Variants in VAV1 observed in about 807,000 individuals in gnomAD.
VAV1 encodes vav guanine nucleotide exchange factor 1, also known as proto-oncogene vav.
VAV1 carries 33 observed loss-of-function variants against 128.1 expected under a neutral mutation model. That is an observed-to-expected ratio of 0.26 (90% CI 0.20 to 0.34). The LOEUF (loss-of-function observed/expected upper bound fraction) is 0.34, where lower values mean the gene tolerates loss of function less well. Among genes scored for constraint, VAV1 ranks in the 10% least tolerant of loss-of-function variants. VAV1 has a pLI of 1.00. For synonymous variants in VAV1, 394 were observed against 409.8 expected (o/e 0.96, Z 0.47); for missense variants, 715 against 1,093.7 (o/e 0.65, Z 4.88).
At chr19:6,843,828 C>T (rs1200121860) in intron 22 of VAV1, among the ~76,000 whole-genome samples, 3 of 151,578 alleles carry the variant, frequency 2.0e-5, no homozygotes, top group Non-Finnish European at 4.4e-5. Context: ...TTCTTCTTCA[C>T]ATTTGAACAT....
chr19:6,796,349 T>TG (rs34446835), intron 1 of VAV1, among the ~76,000 whole-genome samples: 1 of 151,782 alleles, frequency 6.6e-6, no homozygotes, highest in Non-Finnish European at 1.5e-5. Flanking sequence ...ATGGGGTGCT[T>TG]GGGGTGACAG....
At chr19:6,814,322 A>G (rs963452343) in intron 1 of VAV1, among the ~76,000 whole-genome samples, 7 of 152,126 alleles carry the variant, frequency 4.6e-5, no homozygotes, top group Admixed American at 4.6e-4. Context: ...AAAACAGAAC[A>G]TTTCCATCAC....
chr19:6,774,093 G>C (rs1212433925), intron 1 of VAV1, among the ~76,000 whole-genome samples: 3 of 152,058 alleles, frequency 2.0e-5, no homozygotes, highest in African/African-American at 7.2e-5. Context: ...TGGTGGAAGA[G>C]ATCCATGCGC....
At position 6,772,751 on chromosome 19, in the gene VAV1, G is replaced by A; in HGVS notation, c.-57G>A. ...ACAGGCGAGCAGGGCAGGCGTGCGG[G>A]CGGGTGGGTGGTGGAGGCTGCGAGG... On this transcript the variant is annotated 5_prime_UTR_variant, in exon 1 of 27. Transcript: ENST00000602142. The surrounding 1 kb of genome is among the most constrained non-coding windows in gnomAD (Gnocchi z 4.8). 1.3e-6 allele frequency: 2 copies of A among 1,562,568 alleles called. No homozygotes were observed. Among genetic ancestry groups the A allele is most frequent in the Non-Finnish European group, 1.7e-6 (2 of 1,150,710 alleles).
rs780032946 is a variant in VAV1 at position 6,821,783 on chromosome 19, C to A, written c.381-8C>A. The A allele has an allele frequency of 1.4e-5, 22 of 1,613,758 alleles. No homozygotes were observed. In the South Asian group the frequency reaches 1.6e-4, roughly 12 times the overall value. On this transcript the variant is annotated splice_region_variant and splice_polypyrimidine_tract_variant and intron_variant, in intron 3 of 26. Transcript: ENST00000602142. ...AGGCCCCTGGCTCACACCCTCCTGA[C>A]CCCCCAGGCCCTTCCCCACCGAGGA...
At chr19:6,852,557 T>C (rs1972692806) in intron 24 of VAV1, among the ~76,000 whole-genome samples, 1 of 151,842 alleles carries the variant, frequency 6.6e-6, no homozygotes, top group African/African-American at 2.4e-5. Flanking sequence ...CCGTCTCTAC[T>C]AAAAATATAA....
chr19:6,781,759 CAAG>C (rs1970771599), intron 1 of VAV1, among the ~76,000 whole-genome samples: 1 of 152,058 alleles, frequency 6.6e-6, no homozygotes, highest in Admixed American at 6.6e-5. Context: ...AGGTGTGCGC[CAAG>C]ATGCCCAGCT....
chr19:6,787,257 C>T (rs1048151601), intron 1 of VAV1, among the ~76,000 whole-genome samples: 7 of 152,102 alleles, frequency 4.6e-5, no homozygotes, highest in Non-Finnish European at 1.0e-4. Context: ...CTCACTGCAA[C>T]CTCCATCTCT....
At chr19:6,812,492 T>A (rs1441465165) in intron 1 of VAV1, among the ~76,000 whole-genome samples, 1 of 152,016 alleles carries the variant, frequency 6.6e-6, no homozygotes. Flanking sequence ...CTGTCTCTAC[T>A]AAAAAGAAAA....
chr19:6,825,273 G>T, intron 7 of VAV1, 30 bp from the exon 8 acceptor site: 1 of 1,599,316 alleles, frequency 6.3e-7, no homozygotes. Context: ...CTGGGCTCTG[G>T]TCCCAGCCCT....
chr19:6,814,667 C>CCTTTCTTT (rs1163692104), intron 1 of VAV1, among the ~76,000 whole-genome samples: 1 of 25,100 alleles, frequency 4.0e-5, no homozygotes, highest in Non-Finnish European at 7.0e-5. Flanking sequence ...TTCCTTCCTT[C>CCTTTCTTT]CTTCCTTTCT....
At chr19:6,807,034 A>G (rs946050421) in intron 1 of VAV1, among the ~76,000 whole-genome samples, 10 of 152,170 alleles carry the variant, frequency 6.6e-5, no homozygotes, top group Admixed American at 6.5e-4. Flanking sequence ...TGGCTACTGT[A>G]ACAGTTAGGT....
At chr19:6,817,713 G>T (rs1971686533) in intron 1 of VAV1, among the ~76,000 whole-genome samples, 1 of 151,880 alleles carries the variant, frequency 6.6e-6, no homozygotes, top group East Asian at 1.9e-4. Context: ...CTGAGATGGG[G>T]TCTCGCTCTG....
intron 1 of VAV1, among the ~76,000 whole-genome samples, chr19:6,805,392 T>G (rs892771537): frequency 6.6e-6 from 1 of 151,810 alleles, no homozygotes; most frequent in Non-Finnish European, 1.5e-5. Flanking sequence ...AATACTGCAC[T>G]CTAGCCTGGG....
At chr19:6,825,029 C>G (rs200574586) in intron 6 of VAV1, 24 bp from the exon 7 acceptor site, 79 of 1,613,166 alleles carry the variant, frequency 4.9e-5, no homozygotes, top group Non-Finnish European at 5.9e-5. Flanking sequence ...TATCTTCCGT[C>G]ATCTTTCTCT....
chr19:6,796,555 C>T (rs1047566877), intron 1 of VAV1, among the ~76,000 whole-genome samples: 1 of 152,156 alleles, frequency 6.6e-6, no homozygotes, highest in Non-Finnish European at 1.5e-5. Flanking sequence ...TTCTCAGAGC[C>T]TTTGCACTAA....
At position 6,839,526 on chromosome 19, in the gene VAV1, C is replaced by T. The variant is rs139423886; in HGVS notation, c.1980+2476C>T. ...CAAATGATCTGCCTGCCTCGGCCTC[C>T]CAAAGTGCTGGGATTACAGGCGTGA... On this transcript the variant is annotated intron_variant, in intron 21 of 26. Coordinates refer to ENST00000602142, the MANE Select transcript of VAV1 (RefSeq NM_005428.4). 9.8e-3 allele frequency among the ~76,000 whole-genome samples: 1,493 copies of T among 152,120 alleles called. 23 individuals are homozygous for T. Among genetic ancestry groups the T allele is most frequent in the African/African-American group, 0.034 (1,416 of 41,504 alleles).
intron 1 of VAV1, among the ~76,000 whole-genome samples, chr19:6,785,325 TTCA>T (rs1231951375): frequency 2.0e-5 from 3 of 152,002 alleles, no homozygotes; most frequent in Non-Finnish European, 4.4e-5. Context: ...CATGAGCCAC[TTCA>T]CCTTTTTCTT....
intron 21 of VAV1, among the ~76,000 whole-genome samples, chr19:6,837,525 A>G (rs1166937592): frequency 6.6e-6 from 1 of 151,004 alleles, no homozygotes; most frequent in African/African-American, 2.4e-5. Context: ...TCTCTCCCCA[A>G]CCTCAGACAC....
Sources: gnomAD v4.1 joint callset for allele counts (sites outside exome capture counted in the v4.1 genomes callset) on GRCh38, gnomAD v4.1.1 for gene constraint, Gnocchi (gnomAD v3.1) non-coding constraint, MANE v1.5 for transcripts, NCBI Gene and HGNC (gene_info 2026-07-23, HGNC 2026-07-21) for gene names.